Variants in EPB41 observed in about 807,000 individuals in gnomAD.
EPB41 encodes erythrocyte membrane protein band 4.1.
EPB41 carries 65 observed loss-of-function variants against 108.0 expected under a neutral mutation model. That is an observed-to-expected ratio of 0.60 (90% CI 0.49 to 0.74). The LOEUF (loss-of-function observed/expected upper bound fraction) is 0.74. Ranked by LOEUF, EPB41 falls within the 30% of genes least tolerant of loss-of-function variation. EPB41 has a pLI of 0.00. For synonymous variants in EPB41, 336 were observed against 358.9 expected, an observed-to-expected ratio of 0.94 and a Z score of 0.72; for missense variants, 875 against 1,037.0, an observed-to-expected ratio of 0.84 and a Z score of 2.15.
chr1:28,908,863 T>C (rs1342472004), intron 1 of EPB41, among the ~76,000 whole-genome samples: 1 of 151,672 alleles, frequency 6.6e-6, no homozygotes, highest in Non-Finnish European at 1.5e-5. Context: ...TATTGTTAAA[T>C]GAAAAAAGTC....
intron 12 of EPB41, among the ~76,000 whole-genome samples, chr1:29,057,930 G>A (rs1425160034): frequency 1.3e-5 from 2 of 152,186 alleles, no homozygotes; most frequent in African/African-American, 4.8e-5. Flanking sequence ...AATCCTGCAT[G>A]TGCTTGTTTA....
At chr1:28,922,170 G>T (rs959280875) in intron 1 of EPB41, among the ~76,000 whole-genome samples, 1 of 151,140 alleles carries the variant, frequency 6.6e-6, no homozygotes, top group African/African-American at 2.4e-5. Context: ...GGGTTTCACC[G>T]TGTTGGTTAG....
At chr1:28,971,180 C>CTTTTTTTTTTTTTT (rs1000130058) in intron 1 of EPB41, among the ~76,000 whole-genome samples, 10 of 66,322 alleles carry the variant, frequency 1.5e-4, no homozygotes, top group South Asian at 6.9e-4. Flanking sequence ...TTCTTTCTTT[C>CTTTTTTTTTTTTTT]TTTTTTTTTT....
chr1:29,075,156 CAA>C (rs397979778), intron 16 of EPB41, among the ~76,000 whole-genome samples: 9 of 97,538 alleles, frequency 9.2e-5, no homozygotes, highest in African/African-American at 2.9e-4. Flanking sequence ...GACTCCGTCT[CAA>C]AAAAAAAAAA....
rs1647108412 is a variant in EPB41 at position 29,065,076 on chromosome 1, C to G, written c.2102C>G (p.Pro701Arg). The change falls in exon 16 of 21, where the codon CCT becomes CGT. Residue 701 changes from proline to arginine, a missense_variant. Physicochemically the swap from Pro to Arg is moderately radical, Grantham distance 103 (BLOSUM62 -2). Coordinates refer to ENST00000343067, the MANE Select transcript of EPB41 (RefSeq NM_001376013.1). ...ATGGAGTCTGTACCAGAACCACGGC[C>G]TAGTGAATGGGATAAACGCTTATCC... is the stretch of plus-strand genomic sequence containing the variant. ...NFMESVPEPRPSEWDKRLSTH... is the reference protein window; with the variant it reads ...NFMESVPEPRRSEWDKRLSTH... 3.1e-6 allele frequency: 5 copies of G among 1,614,052 alleles called. No homozygotes were observed. Among genetic ancestry groups the G allele is most frequent in the Non-Finnish European group, 4.2e-6 (5 of 1,180,038 alleles).
At chr1:28,912,091 G>A (rs1008355011), upstream of EPB41, among the ~76,000 whole-genome samples, 1 of 151,992 alleles carries the variant, frequency 6.6e-6, no homozygotes, top group Non-Finnish European at 1.5e-5. Context: ...AATGACCCTG[G>A]CCAAGTCACC....
At chr1:28,925,252 C>G (rs188659283) in intron 1 of EPB41, among the ~76,000 whole-genome samples, 2 of 151,948 alleles carry the variant, frequency 1.3e-5, no homozygotes, top group African/African-American at 4.8e-5. Context: ...CGTGAGCCAC[C>G]GCGCCTGGCC....
In EPB41 at chr1:28,997,118, C is replaced by T; in HGVS notation, c.682-97C>T. ...AGTGAGCTATGATCAGGCCACTGTACTCCAGCCTGGGCAACAGAGTGAATC... is the reference window on the plus strand; with the variant it reads ...AGTGAGCTATGATCAGGCCACTGTATTCCAGCCTGGGCAACAGAGTGAATC... On this transcript the variant is annotated intron_variant, in intron 3 of 20. Coordinates refer to ENST00000343067, the MANE Select transcript of EPB41 (RefSeq NM_001376013.1). 2 of 912,386 alleles carry T rather than the reference C, an allele frequency of 2.2e-6. 1 individual carries two copies. The highest frequency in any genetic ancestry group is 2.7e-5 in the South Asian group (2 of 74,520). 56.5% of individuals were successfully genotyped at this position (912,386 alleles called of 1,614,324 possible). A position where few individuals can be genotyped will look rare whatever the true frequency, so the allele number is the denominator to read the frequency against.
chr1:28,987,408 C>T, intron 1 of EPB41, 23 bp from the exon 2 acceptor site: 2 of 1,609,842 alleles, frequency 1.2e-6, no homozygotes, highest in South Asian at 2.2e-5. Flanking sequence ...AAGAGCCCCC[C>T]TTTTCTATCT....
At chr1:29,076,917 T>A (rs1409188266) in intron 16 of EPB41, among the ~76,000 whole-genome samples, 1 of 152,028 alleles carries the variant, frequency 6.6e-6, no homozygotes, top group African/African-American at 2.4e-5. Context: ...TAAAAAAATT[T>A]TAAATAAAAA....
chr1:28,949,704 A>T (rs2094630420), intron 1 of EPB41, among the ~76,000 whole-genome samples: 1 of 151,538 alleles, frequency 6.6e-6, no homozygotes, highest in South Asian at 2.1e-4. Flanking sequence ...CCTGGGTTCA[A>T]GCGATTCTCC....
At chr1:28,981,839 TG>T (rs1218389952) in intron 1 of EPB41, among the ~76,000 whole-genome samples, 1 of 151,618 alleles carries the variant, frequency 6.6e-6, no homozygotes, top group Non-Finnish European at 1.5e-5. Context: ...CAGCCCATCA[TG>T]GTTTTTTTTT....
At chr1:28,969,304 C>T (rs917573652) in intron 1 of EPB41, among the ~76,000 whole-genome samples, 4 of 151,814 alleles carry the variant, frequency 2.6e-5, no homozygotes, top group African/African-American at 7.3e-5. Flanking sequence ...AGGCTAGTCT[C>T]GAACTCCTGA....
intron 1 of EPB41, among the ~76,000 whole-genome samples, chr1:28,974,451 G>C (rs572737512): frequency 6.6e-6 from 1 of 152,206 alleles, no homozygotes; most frequent in Admixed American, 6.5e-5. Flanking sequence ...GTAGAGGTTA[G>C]TGAGGTAGGC....
intron 1 of EPB41, among the ~76,000 whole-genome samples, chr1:28,979,963 T>A (rs1415009203): frequency 6.6e-6 from 1 of 152,240 alleles, no homozygotes; most frequent in Non-Finnish European, 1.5e-5. Context: ...ATGAATAAAC[T>A]TTGTTCCATT....
chr1:29,103,771 A>G (rs1412091814), intron 17 of EPB41, among the ~76,000 whole-genome samples: 1 of 152,074 alleles, frequency 6.6e-6, no homozygotes, highest in Non-Finnish European at 1.5e-5. Context: ...AGGTTCAAGC[A>G]ATTCTCCAGC....
intron 1 of EPB41, among the ~76,000 whole-genome samples, chr1:28,907,633 A>T (rs2091938535): frequency 6.6e-6 from 1 of 151,710 alleles, no homozygotes; most frequent in Non-Finnish European, 1.5e-5. Flanking sequence ...CTTTTTTGAG[A>T]CAGGGTCTTG....
At position 29,018,542 on chromosome 1, in the gene EPB41, C is replaced by A; in HGVS notation, c.1124+100C>A. On this transcript the variant is annotated intron_variant, in intron 7 of 20. Transcript: ENST00000343067. The surrounding 1 kb of genome is among the most constrained non-coding windows in gnomAD (Gnocchi z 4.4). The stretch of plus-strand genomic sequence containing the variant: ...GTTTGCCTAAGAGGGATCATGGTGC[C>A]ATAGAAAGAGTCAGTTTCCTCCACT... The A allele has an allele frequency of 8.3e-7, 1 of 1,207,334 alleles. No individual in the cohort carries two copies. Among genetic ancestry groups the A allele is most frequent in the Non-Finnish European group, 1.2e-6 (1 of 817,462 alleles). The allele number at this position is 1,207,334 out of a possible 1,614,324, so 74.8% of individuals were successfully genotyped here.
chr1:29,030,775 CAAAA>C (rs112014000), intron 8 of EPB41, among the ~76,000 whole-genome samples: 1 of 135,166 alleles, frequency 7.4e-6, no homozygotes. Context: ...GACCCCGTCT[CAAAA>C]AAAAAAAAGA....
Sources: allele counts gnomAD v4.1 joint callset (sites outside exome capture counted in the v4.1 genomes callset), GRCh38; gene constraint gnomAD v4.1.1; non-coding constraint Gnocchi (gnomAD v3.1); transcripts MANE v1.5; gene names NCBI Gene and HGNC (gene_info 2026-07-23, HGNC 2026-07-21).